The following PUDP variants were observed in gnomAD, a reference collection of about 807,000 sequenced individuals.
PUDP encodes the protein pseudouridine-5'-phosphatase.
A neutral mutation model predicts 9.4 loss-of-function variants in PUDP; 8 were observed. That is an observed-to-expected ratio of 0.85 (90% confidence interval 0.50 to 1.53). The LOEUF (loss-of-function observed/expected upper bound fraction) is 1.53, where lower values mean the gene tolerates loss of function less well. Ranked by LOEUF, PUDP falls within the 40% of genes most tolerant of loss-of-function variation. The probability of loss-of-function intolerance (pLI) is 0.00; values close to 1 mark genes in which losing one functional copy is unlikely to be tolerated. For synonymous variants in PUDP, 99 were observed against 80.7 expected (o/e 1.23, Z -1.22); for missense variants, 188 against 189.7 (o/e 0.99, Z 0.05).
chrX:6,727,745 G>T (rs962637293), intron 3 of PUDP, among the ~76,000 whole-genome samples: 2 of 111,867 alleles, frequency 1.8e-5, no homozygotes, highest in African/African-American at 6.5e-5. Flanking sequence ...ATTATGGGGG[G>T]CTACCTGCTT....
chrX:6,970,948 G>T (rs1928864628), intron 3 of PUDP, among the ~76,000 whole-genome samples: 1 of 111,083 alleles, frequency 9.0e-6, no homozygotes, highest in African/African-American at 3.3e-5. Context: ...CTACTCAGGA[G>T]GCTGAGGTAG....
intron 3 of PUDP, among the ~76,000 whole-genome samples, chrX:6,893,339 T>C (rs747070142): frequency 9.0e-6 from 1 of 111,676 alleles, no homozygotes; most frequent in East Asian, 2.8e-4. Flanking sequence ...GAGAAGCTAA[T>C]GTAGAAATGA....
chrX:6,794,433 G>A (rs185006739), intron 3 of PUDP, among the ~76,000 whole-genome samples: 1 of 112,095 alleles, frequency 8.9e-6, no homozygotes, highest in Non-Finnish European at 1.9e-5. Flanking sequence ...TCGCAGGACT[G>A]GAAGTTATTC....
intron 3 of PUDP, among the ~76,000 whole-genome samples, chrX:6,770,701 G>A (rs184827736): frequency 1.2e-4 from 13 of 111,372 alleles, no homozygotes; most frequent in Admixed American, 8.6e-4. Context: ...CCCAAACAGC[G>A]TTTCACACCA....
At chrX:6,816,830 A>G (rs1306654454) in intron 3 of PUDP, among the ~76,000 whole-genome samples, 2 of 95,582 alleles carry the variant, frequency 2.1e-5, no homozygotes. Context: ...AGTATATACT[A>G]TATAGTATAT....
At chrX:6,735,117 C>A (rs1168584368) in intron 3 of PUDP, among the ~76,000 whole-genome samples, 2 of 112,333 alleles carry the variant, frequency 1.8e-5, no homozygotes, top group African/African-American at 6.5e-5. Flanking sequence ...CAGTGATATT[C>A]AGGAAGCTGG....
intron 3 of PUDP, among the ~76,000 whole-genome samples, chrX:6,846,583 C>T (rs1411170193): frequency 9.1e-6 from 1 of 110,312 alleles, no homozygotes; most frequent in Non-Finnish European, 1.9e-5. Context: ...CTCCACCAAA[C>T]CCTACTGGAC....
chrX:7,014,956 G>A (rs1448051072), intron 1 of PUDP, among the ~76,000 whole-genome samples: 1 of 111,643 alleles, frequency 9.0e-6, no homozygotes, highest in Non-Finnish European at 1.9e-5. Flanking sequence ...ATCAAAATCT[G>A]CCTTTGGATA....
At chrX:6,938,907 A>G (rs977210750) in intron 3 of PUDP, among the ~76,000 whole-genome samples, 1 of 108,470 alleles carries the variant, frequency 9.2e-6, no homozygotes, top group African/African-American at 3.4e-5. Context: ...ATTATCCATT[A>G]TGTCCCAGAT....
chrX:7,147,242 G>A (rs753920234), intron 1 of PUDP, among the ~76,000 whole-genome samples: 314 of 110,759 alleles, frequency 2.8e-3, no homozygotes, highest in Non-Finnish European at 3.5e-3. Context: ...GGGTAGGGTG[G>A]GGCCCCAGCT....
chrX:6,824,670 G>A (rs995322760), intron 3 of PUDP, among the ~76,000 whole-genome samples: 3 of 111,183 alleles, frequency 2.7e-5, no homozygotes, highest in African/African-American at 6.6e-5. Flanking sequence ...CCTTATTGTC[G>A]GGTTGGGTCT....
chrX:6,829,831 C>A (rs1312806585), intron 3 of PUDP, among the ~76,000 whole-genome samples: 2 of 110,566 alleles, frequency 1.8e-5, no homozygotes, highest in East Asian at 2.8e-4. Flanking sequence ...GTAAGAGGTA[C>A]AAGGAGGCTT....
chrX:6,764,107 T>C (rs901724499), intron 3 of PUDP, among the ~76,000 whole-genome samples: 3 of 111,801 alleles, frequency 2.7e-5, no homozygotes, highest in Non-Finnish European at 5.6e-5. Flanking sequence ...AATAACCCCT[T>C]GGTTTGCTTG....
intron 3 of PUDP, among the ~76,000 whole-genome samples, chrX:6,733,023 C>T (rs1290823154): frequency 8.9e-6 from 1 of 112,002 alleles, no homozygotes; most frequent in East Asian, 2.8e-4. Context: ...CATGTGGAGC[C>T]AACACCAGGT....
chrX:6,867,086 C>A (rs180727587), intron 3 of PUDP, among the ~76,000 whole-genome samples: 214 of 111,211 alleles, frequency 1.9e-3, no homozygotes, highest in Non-Finnish European at 3.4e-3. Flanking sequence ...TAGTAGTATT[C>A]CAAGATACCT....
chrX:6,790,139 A>G (rs1925721036), intron 3 of PUDP, among the ~76,000 whole-genome samples: 1 of 111,866 alleles, frequency 8.9e-6, no homozygotes, highest in South Asian at 3.7e-4. Flanking sequence ...ATATATACAG[A>G]TGTAGATAGG....
chrX:6,778,170 C>G (rs938952170), intron 3 of PUDP, among the ~76,000 whole-genome samples: 2 of 111,794 alleles, frequency 1.8e-5, no homozygotes, highest in Non-Finnish European at 3.8e-5. Flanking sequence ...AAGGAAGCTT[C>G]TATGCCTTTT....
intron 1 of PUDP, among the ~76,000 whole-genome samples, chrX:7,144,620 C>T (rs1932829838): frequency 9.0e-6 from 1 of 110,629 alleles, no homozygotes; most frequent in Non-Finnish European, 1.9e-5. Context: ...GTCTCAAGTG[C>T]TATTATTTGG....
intron 3 of PUDP, among the ~76,000 whole-genome samples, chrX:6,775,269 C>T (rs193184449): frequency 2.1e-3 from 238 of 111,922 alleles, no homozygotes; most frequent in African/African-American, 7.4e-3. Flanking sequence ...GTAGTATACA[C>T]TAGTAGTTTA....
Sources: allele counts gnomAD v4.1 joint callset (sites outside exome capture counted in the v4.1 genomes callset), GRCh38; gene constraint gnomAD v4.1.1; transcripts MANE v1.5; gene names NCBI Gene and HGNC (gene_info 2026-07-23, HGNC 2026-07-21).